The following TMEM275 variants were observed in gnomAD, a reference collection of about 807,000 sequenced individuals.
TMEM275 encodes transmembrane protein 275.
Position 46,533,418 on chromosome 1 carries a change from A to AGACCGCAGGCGCAGCACAGCGCCGGC in TMEM275, c.84_109dup (p.Leu37ArgfsTer17). 2.6e-6 allele frequency: 1 copy of AGACCGCAGGCGCAGCACAGCGCCGGC among 379,566 alleles called. No homozygotes were observed. Among genetic ancestry groups the AGACCGCAGGCGCAGCACAGCGCCGGC allele is most frequent in the Non-Finnish European group, 4.7e-6 (1 of 213,760 alleles). 23.5% of individuals were successfully genotyped at this position (379,566 alleles called of 1,614,324 possible). A position where few individuals can be genotyped will look rare whatever the true frequency, so the allele number is the denominator to read the frequency against. On this transcript the variant is annotated frameshift_variant, in exon 2 of 2. Transcript: ENST00000634804. LOFTEE classifies it low-confidence loss of function (END_TRUNC). This position sits in a 1 kb window ranked among gnomAD's most constrained non-coding sequence, Gnocchi z 4.4. ...GTTCACGCCCGCCAGCAGCGCGCACAGACCGCAGGCGCAGCACAGCGCCGG... is the reference window on the plus strand; with the variant it reads ...GTTCACGCCCGCCAGCAGCGCGCACAGACCGCAGGCGCAGCACAGCGCCGGCGACCGCAGGCGCAGCACAGCGCCGG...
rs1393286974 is a variant in TMEM275, at chr1:46,533,321, CA to C, written c.206del (p.Leu69ArgfsTer131). 2.7e-6 allele frequency: 1 copy of C among 370,576 alleles called. No homozygotes were observed. The highest frequency in any genetic ancestry group is 4.8e-6 in the Non-Finnish European group (1 of 208,302). The allele number at this position is 370,576 out of a possible 1,614,324, so 23.0% of individuals were successfully genotyped here. On this transcript the variant is annotated frameshift_variant, in exon 2 of 2. Transcript: ENST00000634804. LOFTEE classifies it low-confidence loss of function (END_TRUNC). This position sits in a 1 kb window ranked among gnomAD's most constrained non-coding sequence, Gnocchi z 4.4. Reference sequence around the variant, plus strand: ...CGAAGAAGCCGAGCGCCAGCACCAGCAGCGCCAGCCCCACGACGAGCAGCGC... The same window carrying C: ...CGAAGAAGCCGAGCGCCAGCACCAGCGCGCCAGCCCCACGACGAGCAGCGC...
At chr1:46,534,355 TG>T (rs1424719877) in intron 1 of TMEM275, among the ~76,000 whole-genome samples, 99 bp downstream of exon 2, 1 of 152,120 alleles carries the variant, frequency 6.6e-6, no homozygotes, top group African/African-American at 2.4e-5. Context: ...AGACGGTCAG[TG>T]AGAGGGCACA....
rs1316522902 is a variant in TMEM275, at chr1:46,533,671, G to C, written c.-123-21C>G. ...TGGTCCTGTGGGCACACAGCAAGAG[G>C]GCGGCGTCAGCAGGGTATCTTGACC... On this transcript the variant is annotated intron_variant, in intron 1 of 1. Transcript: ENST00000634804. The surrounding 1 kb of genome is among the most constrained non-coding windows in gnomAD (Gnocchi z 4.4). The C allele has an allele frequency of 8.1e-6, 3 of 368,910 alleles. No homozygotes were observed. Among genetic ancestry groups the C allele is most frequent in the African/African-American group, 6.3e-5 (3 of 47,362 alleles). 22.9% of individuals were successfully genotyped at this position (368,910 alleles called of 1,614,324 possible).
chr1:46,535,400 G>A (rs1666725198), intron 1 of TMEM275, among the ~76,000 whole-genome samples: 1 of 140,734 alleles, frequency 7.1e-6, no homozygotes, highest in South Asian at 2.1e-4. Flanking sequence ...GAAAGCACAT[G>A]TTGACCCTTG....
exon 2 of TMEM275, chr1:46,532,184 T>C (rs1666675765): frequency 1.3e-5 from 2 of 152,268 alleles, no homozygotes; most frequent in South Asian, 2.1e-4. Flanking sequence ...AGGTGCTTTA[T>C]TGAGGAGTAA....
In TMEM275 at chr1:46,533,616, T is replaced by C. The variant is rs1395213958; in HGVS notation, c.-89A>G. On this transcript the variant is annotated 5_prime_UTR_variant, in exon 2 of 2. Coordinates refer to ENST00000634804, the Ensembl canonical transcript of TMEM275. This position sits in a 1 kb window ranked among gnomAD's most constrained non-coding sequence, Gnocchi z 4.4. ...GCCAGGAGCCTCCTCACGCTGGTCCTGTGGGCAACTGCCAGGAGCCTCCTC... is the reference window on the plus strand; with the variant it reads ...GCCAGGAGCCTCCTCACGCTGGTCCCGTGGGCAACTGCCAGGAGCCTCCTC... 2.7e-5 allele frequency: 10 copies of C among 367,580 alleles called. No individual in the cohort carries two copies. Among genetic ancestry groups the C allele is most frequent in the Non-Finnish European group, 3.9e-5 (8 of 207,010 alleles). The allele number at this position is 367,580 out of a possible 1,614,324, so 22.8% of individuals were successfully genotyped here.
Position 46,533,517 on chromosome 1 carries a change from G to C in TMEM275, c.11C>G (p.Ala4Gly). 2.6e-6 allele frequency: 1 copy of C among 388,706 alleles called. No homozygotes were observed. Among genetic ancestry groups the C allele is most frequent in the Non-Finnish European group, 4.6e-6 (1 of 219,588 alleles). 24.1% of individuals were successfully genotyped at this position (388,706 alleles called of 1,614,324 possible). Residue 4 changes from alanine (A) to glycine (G), a missense_variant, in exon 2 of 2, where the codon GCA becomes GGA. Transcript: ENST00000634804. This position sits in a 1 kb window ranked among gnomAD's most constrained non-coding sequence, Gnocchi z 4.4. ...GACCGGTGGCCCCTCGCTCTTTTCT[G>C]CCGGCGGCATCGGCCTGCGCACGCC...
At chr1:46,534,900 G>A (rs1461723351) in intron 1 of TMEM275, among the ~76,000 whole-genome samples, 6 of 152,156 alleles carry the variant, frequency 3.9e-5, no homozygotes, top group Non-Finnish European at 8.8e-5. Flanking sequence ...GTAATGTGGG[G>A]CTAATCATAG....
rs1310641451 is a variant in TMEM275 at position 46,533,933 on chromosome 1, G to C, written c.-123-283C>G. On this transcript the variant is annotated intron_variant, in intron 1 of 1. Coordinates refer to ENST00000634804, the Ensembl canonical transcript of TMEM275. This position sits in a 1 kb window ranked among gnomAD's most constrained non-coding sequence, Gnocchi z 4.4. Reference sequence around the variant, plus strand: ...CCCTCCAACCCCTCTCCTCCAGGAAGCCTACCTGAACTCATTTGAGTGAGA... The same window carrying C: ...CCCTCCAACCCCTCTCCTCCAGGAACCCTACCTGAACTCATTTGAGTGAGA... 6.6e-6 allele frequency among the ~76,000 whole-genome samples: 1 copy of C among 152,128 alleles called. No homozygotes were observed. Among genetic ancestry groups the C allele is most frequent in the Non-Finnish European group, 1.5e-5 (1 of 68,018 alleles).
Position 46,533,360 on chromosome 1 carries a change from C to A in TMEM275, c.168G>T (p.Leu56Phe). The change falls in exon 2 of 2, where the codon TTG (leucine) becomes TTT (phenylalanine). Residue 56 changes from leucine (L) to phenylalanine (F), a missense_variant. Physicochemically the swap from Leu to Phe is conservative, Grantham distance 22 (BLOSUM62 0). Coordinates refer to ENST00000634804, the Ensembl canonical transcript of TMEM275. The surrounding 1 kb of genome is among the most constrained non-coding windows in gnomAD (Gnocchi z 4.4). ...CGACGAGCAGCGCGTTGTGCTCGGG[C>A]AAGAAGGAGGCGAAGGCGCCTGCCA... 2 of 377,482 alleles carry A rather than the reference C, an allele frequency of 5.3e-6. No homozygotes were observed. The highest frequency in any genetic ancestry group is 4.7e-6 in the Non-Finnish European group (1 of 212,354). The allele number at this position is 377,482 out of a possible 1,614,324, so 23.4% of individuals were successfully genotyped here.
rs568188593 is a variant in TMEM275, at chr1:46,533,482, C to G, written c.46G>C (p.Ala16Pro). ...GGCACCCGGCCCCGGGCGCGTTCCG[C>G]GGGCGCCGGGACCGGTGGCCCCTCG... Residue 16 changes from alanine (A) to proline (P), a missense_variant, in exon 2 of 2, where the codon GCG (alanine) becomes CCG (proline). Ala to Pro is a conservative substitution (Grantham distance 27). Transcript: ENST00000634804. This position sits in a 1 kb window ranked among gnomAD's most constrained non-coding sequence, Gnocchi z 4.4. 3 of 389,090 alleles carry G rather than the reference C, an allele frequency of 7.7e-6. No homozygotes were observed. The highest frequency in any genetic ancestry group is 4.1e-5 in the African/African-American group (2 of 48,238). The allele number at this position is 389,090 out of a possible 1,614,324, so 24.1% of individuals were successfully genotyped here. A position where few individuals can be genotyped will look rare whatever the true frequency, so the allele number is the denominator to read the frequency against.
intron 1 of TMEM275, among the ~76,000 whole-genome samples, 100 bp downstream of exon 2, chr1:46,534,355 T>A (rs1174305361): frequency 6.6e-6 from 1 of 152,120 alleles, no homozygotes; most frequent in Non-Finnish European, 1.5e-5. Context: ...AGACGGTCAG[T>A]GAGAGGGCAC....
In TMEM275 at chr1:46,533,646, T is replaced by A. The variant is rs1666702638; in HGVS notation, c.-119A>T. On this transcript the variant is annotated 5_prime_UTR_variant, in exon 2 of 2. Transcript: ENST00000634804. This position sits in a 1 kb window ranked among gnomAD's most constrained non-coding sequence, Gnocchi z 4.4. ...GCAACTGCCAGGAGCCTCCTCACGCTGGTCCTGTGGGCACACAGCAAGAGG... is the reference window on the plus strand; with the variant it reads ...GCAACTGCCAGGAGCCTCCTCACGCAGGTCCTGTGGGCACACAGCAAGAGG... 2.7e-6 allele frequency: 1 copy of A among 366,826 alleles called. No individual in the cohort carries two copies. Among genetic ancestry groups the A allele is most frequent in the African/African-American group, 2.1e-5 (1 of 46,940 alleles). 22.7% of individuals were successfully genotyped at this position (366,826 alleles called of 1,614,324 possible). A position where few individuals can be genotyped will look rare whatever the true frequency, so the allele number is the denominator to read the frequency against.
In TMEM275 at chr1:46,533,303, G is replaced by A. The variant is rs12735063; in HGVS notation, c.225C>T (p.Gly75=). The A allele has an allele frequency of 2.7e-6, 1 of 365,500 alleles. No homozygotes were observed. The highest frequency in any genetic ancestry group is 1.3e-4 in the South Asian group (1 of 7,628). 22.6% of individuals were successfully genotyped at this position (365,500 alleles called of 1,614,324 possible). A position where few individuals can be genotyped will look rare whatever the true frequency, so the allele number is the denominator to read the frequency against. The change falls in exon 2 of 2, where the codon GGC becomes GGT. Residue 75 remains glycine, a synonymous_variant. Transcript: ENST00000634804. The surrounding 1 kb of genome is among the most constrained non-coding windows in gnomAD (Gnocchi z 4.4). ...TACACACGCAGCAGGCCGCGAAGAAGCCGAGCGCCAGCACCAGCAGCGCCA... is the reference window on the plus strand; with the variant it reads ...TACACACGCAGCAGGCCGCGAAGAAACCGAGCGCCAGCACCAGCAGCGCCA...
At chr1:46,534,284 G>C (rs534802058) in intron 1 of TMEM275, among the ~76,000 whole-genome samples, 171 bp downstream of exon 2, 1 of 152,272 alleles carries the variant, frequency 6.6e-6, no homozygotes, top group East Asian at 1.9e-4. Flanking sequence ...TGACTCTCCT[G>C]AACATCAGAT....
exon 2 of TMEM275, chr1:46,532,892 GTTTTC>G: frequency 2.6e-6 from 1 of 387,982 alleles, no homozygotes; most frequent in Non-Finnish European, 4.6e-6. Flanking sequence ...GGAAGAAAAG[GTTTTC>G]TTTTTTCTTT....
rs1251874083 is a variant in TMEM275 at position 46,533,621 on chromosome 1, G to A, written c.-94C>T. ...GAGCCTCCTCACGCTGGTCCTGTGG[G>A]CAACTGCCAGGAGCCTCCTCACGCT... is the stretch of plus-strand genomic sequence containing the variant. On this transcript the variant is annotated 5_prime_UTR_variant, in exon 2 of 2. Coordinates refer to ENST00000634804, the Ensembl canonical transcript of TMEM275. This position sits in a 1 kb window ranked among gnomAD's most constrained non-coding sequence, Gnocchi z 4.4. The A allele has an allele frequency of 2.7e-6, 1 of 366,776 alleles. No homozygotes were observed. The highest frequency in any genetic ancestry group is 4.0e-5 in the East Asian group (1 of 25,230). The allele number at this position is 366,776 out of a possible 1,614,324, so 22.7% of individuals were successfully genotyped here.
chr1:46,532,817 G>A, exon 2 of TMEM275: 1 of 381,172 alleles, frequency 2.6e-6, no homozygotes, highest in Admixed American at 4.5e-5. Context: ...CAGGAGTTTG[G>A]GAGATGGAAA....
chr1:46,533,106 G>C lies in TMEM275; in HGVS notation c.422C>G (p.Ser141Cys), dbSNP rs971513962. ...GGCGAGGGGGCTGGGGCCGGGGCTGGAGCAGCCGGAGGACGCGGCGGAGAC... is the reference window on the plus strand; with the variant it reads ...GGCGAGGGGGCTGGGGCCGGGGCTGCAGCAGCCGGAGGACGCGGCGGAGAC... The change falls in exon 2 of 2, where the codon TCC becomes TGC. Residue 141 changes from serine to cysteine, a missense_variant. Ser to Cys is a moderately radical substitution (Grantham distance 112, BLOSUM62 -1). Transcript: ENST00000634804. This position sits in a 1 kb window ranked among gnomAD's most constrained non-coding sequence, Gnocchi z 4.4. The C allele has an allele frequency of 2.8e-5, 11 of 391,774 alleles. No individual in the cohort carries two copies. The highest frequency in any genetic ancestry group is 2.3e-4 in the African/African-American group (11 of 48,094). 24.3% of individuals were successfully genotyped at this position (391,774 alleles called of 1,614,324 possible). A position where few individuals can be genotyped will look rare whatever the true frequency, so the allele number is the denominator to read the frequency against.
Sources: allele counts gnomAD v4.1 joint callset (sites outside exome capture counted in the v4.1 genomes callset), GRCh38; gene constraint gnomAD v4.1.1; non-coding constraint Gnocchi (gnomAD v3.1); transcripts MANE v1.5; gene names NCBI Gene and HGNC (gene_info 2026-07-23, HGNC 2026-07-21).